Variants in NSUN6 observed in about 807,000 individuals in gnomAD.
NSUN6 encodes the protein tRNA (cytosine(72)-C(5))-methyltransferase NSUN6.
In NSUN6, 64 loss-of-function variants were observed where a neutral mutation model predicts 58.0. The observed-to-expected ratio is 1.10, with a 90% confidence interval of 0.90 to 1.36. NSUN6 has a LOEUF of 1.36. NSUN6 is among the 40% of genes most tolerant of loss of function. The probability of loss-of-function intolerance (pLI) is 0.00; values close to 1 mark genes in which losing one functional copy is unlikely to be tolerated. For synonymous variants in NSUN6, 231 were observed against 193.9 expected (o/e 1.19, Z -1.59); for missense variants, 701 against 550.1 (o/e 1.27, Z -2.74).
At chr10:18,598,662 C>A (rs1564781231) in intron 6 of NSUN6, among the ~76,000 whole-genome samples, 3 of 152,134 alleles carry the variant, frequency 2.0e-5, no homozygotes, top group South Asian at 4.1e-4. Context: ...TTTGTAGAGA[C>A]AGGGTTCCCC....
intron 2 of NSUN6, among the ~76,000 whole-genome samples, chr10:18,644,312 G>C (rs1346631790): frequency 6.6e-6 from 1 of 152,146 alleles, no homozygotes; most frequent in African/African-American, 2.4e-5. Context: ...ATGCTGACAT[G>C]ATGCCAGAAG....
At chr10:18,595,357 T>C (rs1027771945) in intron 7 of NSUN6, among the ~76,000 whole-genome samples, 3 of 152,238 alleles carry the variant, frequency 2.0e-5, no homozygotes, top group Non-Finnish European at 4.4e-5. Flanking sequence ...ACCAAATCTC[T>C]ATGAATAATT....
chr10:18,656,215 GACTGATCAACTAA>G (rs1201050007), upstream of NSUN6, among the ~76,000 whole-genome samples: 2 of 152,118 alleles, frequency 1.3e-5, no homozygotes, highest in African/African-American at 4.8e-5. Flanking sequence ...CTAATCTGGA[GACTGATCAACTAA>G]ACTAAAATCA....
At position 18,554,838 on chromosome 10, in the gene NSUN6, C is replaced by T. The variant is rs1034907468; in HGVS notation, c.923-2867G>A. Among the ~76,000 whole-genome samples the T allele has an allele frequency of 1.5e-4, 21 of 142,396 alleles. 1 individual carries two copies. The Middle Eastern group carries it at 0.028, about 187-fold the overall frequency. The allele number at this position is 142,396 out of a possible 152,430, so 93.4% of individuals were successfully genotyped here. A position where few individuals can be genotyped will look rare whatever the true frequency, so the allele number is the denominator to read the frequency against. Reference sequence around the variant, plus strand: ...TAGAATGGTATGGAATGGAAAACGGCATGGAATGGAATGGAGAATGGACTG... The same window carrying T: ...TAGAATGGTATGGAATGGAAAACGGTATGGAATGGAATGGAGAATGGACTG... On this transcript the variant is annotated intron_variant, in intron 8 of 10. Transcript: ENST00000377304.
chr10:18,577,015 G>A (rs1330761895), intron 8 of NSUN6, among the ~76,000 whole-genome samples: 1 of 152,176 alleles, frequency 6.6e-6, no homozygotes, highest in Non-Finnish European at 1.5e-5. Context: ...AGATCAAATA[G>A]CTGCAGGATT....
chr10:18,655,483 A>G (rs749128576), upstream of NSUN6, among the ~76,000 whole-genome samples: 1 of 152,234 alleles, frequency 6.6e-6, no homozygotes, highest in African/African-American at 2.4e-5. Context: ...ATTAATATAC[A>G]TGTACTGAAG....
Position 18,633,408 on chromosome 10 carries a change from TATA to T in NSUN6, c.311+9065_311+9067del, listed in dbSNP as rs1201559058. 2.0e-5 allele frequency among the ~76,000 whole-genome samples: 3 copies of T among 151,460 alleles called. No homozygotes were observed. In the East Asian group the frequency reaches 5.8e-4, roughly 29 times the overall value. On this transcript the variant is annotated intron_variant, in intron 3 of 10. Coordinates refer to ENST00000377304, the MANE Select transcript of NSUN6 (RefSeq NM_182543.5). ...TGCACATGTACCCTAAAACTTAAAGTATAATAATAATAAATTAATTAAATAAAA... is the reference window on the plus strand; with the variant it reads ...TGCACATGTACCCTAAAACTTAAAGTATAATAATAAATTAATTAAATAAAA...
intron 6 of NSUN6, among the ~76,000 whole-genome samples, chr10:18,599,759 G>C (rs1205978680): frequency 6.6e-6 from 1 of 152,092 alleles, no homozygotes; most frequent in East Asian, 1.9e-4. Context: ...TCTTTAAATT[G>C]TTTACAAGAA....
At chr10:18,601,219 T>C (rs748086989) in intron 6 of NSUN6, among the ~76,000 whole-genome samples, 3 of 151,832 alleles carry the variant, frequency 2.0e-5, no homozygotes, top group Non-Finnish European at 4.4e-5. Context: ...CTGGCATAGA[T>C]TCCTAGAATG....
At chr10:18,606,135 T>A (rs1228612097) in intron 6 of NSUN6, among the ~76,000 whole-genome samples, 1 of 152,182 alleles carries the variant, frequency 6.6e-6, no homozygotes, top group Non-Finnish European at 1.5e-5. Context: ...AAGTGGACAC[T>A]TCTTTGTATG....
chr10:18,639,489 C>T (rs118130351), intron 3 of NSUN6, among the ~76,000 whole-genome samples: 3,265 of 151,128 alleles, frequency 0.022, 50 homozygotes, highest in Non-Finnish European at 0.033. Context: ...CTTGAGACTC[C>T]GTCTCAAAAA....
At chr10:18,558,607 T>A (rs1460126170) in intron 8 of NSUN6, among the ~76,000 whole-genome samples, 3 of 143,502 alleles carry the variant, frequency 2.1e-5, no homozygotes, top group Admixed American at 1.4e-4. Context: ...TTGGTAAGGA[T>A]AACAGAATGG....
chr10:18,547,418 C>T (rs2054342775), intron 10 of NSUN6, among the ~76,000 whole-genome samples: 1 of 152,160 alleles, frequency 6.6e-6, no homozygotes, highest in Non-Finnish European at 1.5e-5. Flanking sequence ...GAAACCATCT[C>T]TGAATTGTCT....
At chr10:18,571,085 C>T (rs1034359007) in intron 8 of NSUN6, among the ~76,000 whole-genome samples, 2 of 150,836 alleles carry the variant, frequency 1.3e-5, no homozygotes, top group African/African-American at 4.9e-5. Flanking sequence ...GCATTCCATG[C>T]TCCATTCCAT....
At chr10:18,575,454 G>C (rs1272690852) in intron 8 of NSUN6, among the ~76,000 whole-genome samples, 1 of 152,122 alleles carries the variant, frequency 6.6e-6, no homozygotes, top group Non-Finnish European at 1.5e-5. Flanking sequence ...ATGTAGTTAA[G>C]GCCCTAATTG....
intron 7 of NSUN6, among the ~76,000 whole-genome samples, chr10:18,586,540 G>A (rs1404683547): frequency 6.6e-6 from 1 of 151,916 alleles, no homozygotes; most frequent in East Asian, 1.9e-4. Flanking sequence ...CTTGGGGAGT[G>A]AAGCGGCAGA....
intron 3 of NSUN6, among the ~76,000 whole-genome samples, chr10:18,624,079 C>A (rs527261960): frequency 5.9e-5 from 9 of 151,680 alleles, no homozygotes; most frequent in African/African-American, 2.2e-4. Flanking sequence ...AAATGTAAAC[C>A]AAACAAAAGG....
intron 3 of NSUN6, among the ~76,000 whole-genome samples, chr10:18,627,095 C>G (rs2058838625): frequency 6.6e-6 from 1 of 152,146 alleles, no homozygotes; most frequent in African/African-American, 2.4e-5. Flanking sequence ...ATTCAGTTTT[C>G]TCCTGAAGTC....
intron 8 of NSUN6, among the ~76,000 whole-genome samples, chr10:18,562,699 G>T (rs1261346590): frequency 1.3e-5 from 2 of 151,276 alleles, no homozygotes; most frequent in Non-Finnish European, 3.0e-5. Flanking sequence ...ATAGAGAACG[G>T]AATGGAATGG....
Sources: gnomAD v4.1 joint callset for allele counts (sites outside exome capture counted in the v4.1 genomes callset) on GRCh38, gnomAD v4.1.1 for gene constraint, MANE v1.5 for transcripts, NCBI Gene and HGNC (gene_info 2026-07-23, HGNC 2026-07-21) for gene names.